The following RNF130 variants were observed in gnomAD, a reference collection of about 807,000 sequenced individuals.
RNF130 encodes the protein E3 ubiquitin-protein ligase RNF130.
Under a neutral mutation model 44.6 loss-of-function variants are expected in RNF130, and 21 were observed. The ratio of observed to expected loss-of-function variants is 0.47; its 90% CI spans 0.33 to 0.68. RNF130 has a LOEUF of 0.68. RNF130 is among the 30% of genes least tolerant of loss of function. The pLI is 0.02. For missense variants in RNF130, 479 were observed against 560.6 expected (o/e 0.85, Z 1.47); for synonymous variants, 214 against 210.4 (o/e 1.02, Z -0.15).
exon 8 of RNF130, chr5:179,912,276 G>A (rs150148521): frequency 6.6e-6 from 1 of 152,180 alleles, no homozygotes; most frequent in African/African-American, 2.4e-5. Flanking sequence ...TGTGGCCTAG[G>A]GCTTGCACCA....
chr5:179,931,621 T>C (rs1761809077), intron 7 of RNF130, among the ~76,000 whole-genome samples: 1 of 150,806 alleles, frequency 6.6e-6, no homozygotes, highest in African/African-American at 2.4e-5. Context: ...TAGAAAAAAT[T>C]AGCCGGGCGT....
At chr5:179,938,711 A>C (rs1761932438) in intron 7 of RNF130, among the ~76,000 whole-genome samples, 1 of 152,146 alleles carries the variant, frequency 6.6e-6, no homozygotes. Flanking sequence ...AAACATCCTT[A>C]ATTTATATTA....
At chr5:179,927,809 C>T (rs1422214711) in intron 7 of RNF130, among the ~76,000 whole-genome samples, 1 of 151,974 alleles carries the variant, frequency 6.6e-6, no homozygotes, top group African/African-American at 2.4e-5. Context: ...CCAGGATGGT[C>T]TCGATCTCCT....
chr5:180,016,440 TCAAAGCA>T (rs1392485630), intron 2 of RNF130, among the ~76,000 whole-genome samples: 1 of 152,178 alleles, frequency 6.6e-6, no homozygotes, highest in Non-Finnish European at 1.5e-5. Context: ...GCTGTAAATA[TCAAAGCA>T]CATTTGGGAC....
downstream of RNF130, among the ~76,000 whole-genome samples, chr5:179,954,294 T>C (rs1011386620): frequency 2.0e-5 from 3 of 152,226 alleles, no homozygotes; most frequent in Non-Finnish European, 4.4e-5. Flanking sequence ...AATTTGTACA[T>C]GAATGTTCAC....
At chr5:180,048,281 G>A (rs1764614915) in intron 1 of RNF130, among the ~76,000 whole-genome samples, 1 of 152,104 alleles carries the variant, frequency 6.6e-6, no homozygotes, top group Admixed American at 6.5e-5. Flanking sequence ...GCACGGAAGG[G>A]AGTCTGTAGT....
chr5:179,970,694 A>G lies in RNF130; in HGVS notation c.849-188T>C, dbSNP rs556034883. ...CAGAAAATCTCCTGAGCCCAACCTC[A>G]TATGTACAACACCGTGTAAGAACTG... On this transcript the variant is annotated intron_variant, in intron 5 of 8. Transcript: ENST00000521389. 4.4e-4 allele frequency among the ~76,000 whole-genome samples: 67 copies of G among 152,326 alleles called. No individual in the cohort carries two copies. In the South Asian group the frequency reaches 0.013, roughly 31 times the overall value.
intron 5 of RNF130, among the ~76,000 whole-genome samples, chr5:179,973,233 G>A (rs891298373): frequency 1.3e-5 from 2 of 151,940 alleles, no homozygotes; most frequent in African/African-American, 2.4e-5. Flanking sequence ...CACATCCCTC[G>A]CTTCCACAAA....
chr5:179,939,733 T>G, intron 7 of RNF130: 1 of 453,810 alleles, frequency 2.2e-6, no homozygotes, highest in South Asian at 1.8e-5. Context: ...GGAAATCCAC[T>G]GAAAGCGGAG....
At chr5:180,069,129 C>T (rs1316686490) in intron 1 of RNF130, among the ~76,000 whole-genome samples, 1 of 152,138 alleles carries the variant, frequency 6.6e-6, no homozygotes, top group East Asian at 1.9e-4. Context: ...TCCTAAGTTC[C>T]TACTGCAACA....
intron 2 of RNF130, among the ~76,000 whole-genome samples, chr5:180,039,150 A>C (rs1368967446): frequency 6.6e-6 from 1 of 152,174 alleles, no homozygotes; most frequent in East Asian, 1.9e-4. Context: ...CACACATTTT[A>C]TTTTATTCTT....
At chr5:180,011,568 C>T (rs1416825187) in intron 3 of RNF130, among the ~76,000 whole-genome samples, 2 of 152,124 alleles carry the variant, frequency 1.3e-5, no homozygotes, top group Non-Finnish European at 2.9e-5. Flanking sequence ...GAGTTTGAGA[C>T]CAGCCTGGCC....
At chr5:180,035,713 C>T (rs148441144) in intron 2 of RNF130, among the ~76,000 whole-genome samples, 227 of 152,348 alleles carry the variant, frequency 1.5e-3, no homozygotes, top group African/African-American at 5.3e-3. Flanking sequence ...CAGTGTCCCA[C>T]AGGCATCTGA....
At chr5:179,986,837 CTCT>C (rs1262379381) in intron 3 of RNF130, among the ~76,000 whole-genome samples, 1 of 152,034 alleles carries the variant, frequency 6.6e-6, no homozygotes, top group East Asian at 1.9e-4. Flanking sequence ...TTTCTGTGAT[CTCT>C]TCAATTTCTT....
chr5:180,068,878 C>T (rs1223943722), intron 1 of RNF130, among the ~76,000 whole-genome samples: 2 of 152,198 alleles, frequency 1.3e-5, no homozygotes, highest in African/African-American at 4.8e-5. Flanking sequence ...CTGAGCATTA[C>T]TTTGCTTAGT....
intron 7 of RNF130, among the ~76,000 whole-genome samples, chr5:179,944,239 G>T (rs1408173212): frequency 2.0e-5 from 3 of 152,108 alleles, no homozygotes; most frequent in Non-Finnish European, 4.4e-5. Context: ...AAAGTGTTGG[G>T]ATTACAGGCG....
chr5:179,917,104 T>C (rs1347356214), exon 8 of RNF130: 1 of 151,286 alleles, frequency 6.6e-6, no homozygotes, highest in African/African-American at 2.4e-5. Context: ...GGCAGGAGGA[T>C]GGTGTGAACC....
At chr5:179,970,263 T>C (rs940798311) in intron 6 of RNF130, 147 bp downstream of exon 6, 1 of 554,678 alleles carries the variant, frequency 1.8e-6, no homozygotes, top group East Asian at 3.0e-5. Context: ...AAAGGTCCTG[T>C]TGGGCTTACA....
chr5:180,049,028 T>G (rs1764631239), intron 1 of RNF130, among the ~76,000 whole-genome samples: 1 of 152,232 alleles, frequency 6.6e-6, no homozygotes, highest in African/African-American at 2.4e-5. Context: ...ACATAAGGTT[T>G]CTGTTTTCTG....
Sources: gnomAD v4.1 joint callset for allele counts (sites outside exome capture counted in the v4.1 genomes callset) on GRCh38, gnomAD v4.1.1 for gene constraint, MANE v1.5 for transcripts, NCBI Gene and HGNC (gene_info 2026-07-23, HGNC 2026-07-21) for gene names.